Variants in RAPGEF2 observed in about 807,000 individuals in gnomAD.
The protein encoded by RAPGEF2 is Rap guanine nucleotide exchange factor 2.
Under a neutral mutation model 186.7 loss-of-function variants are expected in RAPGEF2, and 54 were observed. The observed-to-expected ratio is 0.29, with a 90% CI of 0.23 to 0.36. The LOEUF is 0.36. RAPGEF2 is among the 10% of genes least tolerant of loss of function. RAPGEF2 has a pLI of 1.00. For missense variants in RAPGEF2, 1,532 were observed against 2,045.0 expected (o/e 0.75, Z 4.84); for synonymous variants, 712 against 705.9 (o/e 1.01, Z -0.14).
chr4:159,322,533 A>C, intron 10 of RAPGEF2, 50 bp downstream of exon 10: 103 of 1,513,056 alleles, frequency 6.8e-5, no homozygotes, highest in Non-Finnish European at 8.9e-5. Context: ...AAGATATCTC[A>C]ATACAGCAAT....
At chr4:159,251,980 C>T (rs1013927112) in intron 7 of RAPGEF2, among the ~76,000 whole-genome samples, 14 of 152,102 alleles carry the variant, frequency 9.2e-5, no homozygotes, top group African/African-American at 3.1e-4. Flanking sequence ...CTCCTGAAGT[C>T]AGAGACCACG....
chr4:159,147,120 C>T (rs867035814), intron 1 of RAPGEF2, among the ~76,000 whole-genome samples: 2 of 152,104 alleles, frequency 1.3e-5, no homozygotes, highest in South Asian at 2.1e-4. Flanking sequence ...TCCACTTTAC[C>T]GTTCTATTAA....
chr4:159,225,004 T>A (rs1751881325), intron 4 of RAPGEF2, among the ~76,000 whole-genome samples: 1 of 152,150 alleles, frequency 6.6e-6, no homozygotes, highest in Non-Finnish European at 1.5e-5. Flanking sequence ...ATGAGGTAGG[T>A]GGGTATCAGA....
At chr4:159,322,697 G>A (rs1021502464) in intron 10 of RAPGEF2, among the ~76,000 whole-genome samples, 2 of 152,174 alleles carry the variant, frequency 1.3e-5, no homozygotes, top group Non-Finnish European at 2.9e-5. Context: ...AGAAAAAGAG[G>A]TTTAATTGGA....
chr4:159,342,885 A>G (rs1267016218), intron 20 of RAPGEF2, 94 bp from the exon 21 acceptor site: 8 of 1,092,234 alleles, frequency 7.3e-6, no homozygotes, highest in Middle Eastern at 2.4e-4. Context: ...TGTTATGCAT[A>G]TAAAGCATAA....
intron 7 of RAPGEF2, among the ~76,000 whole-genome samples, chr4:159,244,177 G>GA (rs1754338215): frequency 6.6e-6 from 1 of 151,790 alleles, no homozygotes; most frequent in African/African-American, 2.4e-5. Flanking sequence ...AAATTCATTA[G>GA]AAATTTACAT....
intron 6 of RAPGEF2, among the ~76,000 whole-genome samples, chr4:159,243,041 T>G (rs1003238661): frequency 1.3e-5 from 2 of 151,874 alleles, no homozygotes; most frequent in Non-Finnish European, 2.9e-5. Context: ...TATGGAAAGC[T>G]TCATTCAGTT....
At chr4:159,307,085 A>G (rs940258094) in intron 8 of RAPGEF2, among the ~76,000 whole-genome samples, 6 of 152,196 alleles carry the variant, frequency 3.9e-5, no homozygotes, top group African/African-American at 1.4e-4. Flanking sequence ...TGGATTGTAT[A>G]TGGTTTCAAG....
rs1766717068 is a variant in RAPGEF2, at chr4:159,331,817, T to G, written c.1763T>G (p.Leu588Trp). The G allele has an allele frequency of 6.2e-7, 1 of 1,613,964 alleles. No homozygotes were observed. Residue 588 changes from leucine (L) to tryptophan (W), a missense_variant, in exon 15 of 30, where the codon TTG (leucine) becomes TGG (tryptophan). Coordinates refer to ENST00000691494, the MANE Select transcript of RAPGEF2 (RefSeq NM_001394067.2). ...GGTAGCAAAGCAACTGAAGCAGGCT[T>G]GAAACGGGGGGATCAGGTATGCCAT... is the stretch of plus-strand genomic sequence containing the variant. ...DSGSKATEAG[L>W]KRGDQILEVN...
At chr4:159,309,608 G>C (rs1763714654) in intron 8 of RAPGEF2, among the ~76,000 whole-genome samples, 1 of 152,218 alleles carries the variant, frequency 6.6e-6, no homozygotes, top group South Asian at 2.1e-4. Context: ...CTTAGAAGCA[G>C]ATGGGGGCAG....
chr4:159,223,194 G>A (rs1198566056), intron 4 of RAPGEF2, among the ~76,000 whole-genome samples: 1 of 101,900 alleles, frequency 9.8e-6, no homozygotes, highest in Non-Finnish European at 2.1e-5. Context: ...TTAAAATACT[G>A]TCTTAGATGT....
intron 8 of RAPGEF2, among the ~76,000 whole-genome samples, chr4:159,305,603 A>C (rs908247261): frequency 6.6e-6 from 1 of 152,118 alleles, no homozygotes; most frequent in African/African-American, 2.4e-5. Flanking sequence ...ATAGTTAGCA[A>C]ATATTTCTCC....
At chr4:159,276,903 A>G (rs1031974555) in intron 7 of RAPGEF2, among the ~76,000 whole-genome samples, 3 of 152,088 alleles carry the variant, frequency 2.0e-5, no homozygotes, top group Non-Finnish European at 4.4e-5. Flanking sequence ...TTCTCAGAGC[A>G]AGACTAGTTA....
At chr4:159,200,222 C>T (rs1749257449) in intron 3 of RAPGEF2, among the ~76,000 whole-genome samples, 1 of 152,082 alleles carries the variant, frequency 6.6e-6, no homozygotes, top group Admixed American at 6.5e-5. Context: ...AATCCCAGCA[C>T]CTTGGGAGGC....
At chr4:159,284,868 A>G (rs1159002103) in intron 7 of RAPGEF2, among the ~76,000 whole-genome samples, 4 of 152,146 alleles carry the variant, frequency 2.6e-5, no homozygotes, top group Admixed American at 6.5e-5. Flanking sequence ...CCTGGGCAAC[A>G]TAGGGAGACT....
At chr4:159,253,322 G>A (rs1045825285) in intron 7 of RAPGEF2, among the ~76,000 whole-genome samples, 2 of 152,176 alleles carry the variant, frequency 1.3e-5, no homozygotes, top group Non-Finnish European at 2.9e-5. Flanking sequence ...ACAATGAAAG[G>A]ATCTTTTTAC....
At chr4:159,149,797 A>AT (rs1240142367) in intron 1 of RAPGEF2, among the ~76,000 whole-genome samples, 1 of 152,206 alleles carries the variant, frequency 6.6e-6, no homozygotes, top group Non-Finnish European at 1.5e-5. Context: ...ATTGCTTGGT[A>AT]TTGGGTAGTT....
intron 1 of RAPGEF2, among the ~76,000 whole-genome samples, chr4:159,130,571 G>A (rs544521980): frequency 9.3e-4 from 142 of 151,980 alleles, no homozygotes; most frequent in African/African-American, 3.2e-3. Flanking sequence ...GATGAATTTC[G>A]GATCTAAAGT....
At chr4:159,104,527 G>GAGAGAGAGAGAGAGAGAGAGAGAGA (rs1560964822) in intron 1 of RAPGEF2, among the ~76,000 whole-genome samples, 6 of 88,498 alleles carry the variant, frequency 6.8e-5, no homozygotes, top group South Asian at 3.9e-4. Context: ...AGAGAGAGAG[G>GAGAGAGAGAGAGAGAGAGAGAGAGA]GAGAGACAGA....
Sources: gnomAD v4.1 joint callset for allele counts (sites outside exome capture counted in the v4.1 genomes callset) on GRCh38, gnomAD v4.1.1 for gene constraint, MANE v1.5 for transcripts, NCBI Gene and HGNC (gene_info 2026-07-23, HGNC 2026-07-21) for gene names.